The following SORCS2 variants were observed in gnomAD, a reference collection of about 807,000 sequenced individuals.
The protein encoded by SORCS2 is sortilin related VPS10 domain containing receptor 2.
In SORCS2, 100 loss-of-function variants were observed where a neutral mutation model predicts 141.6. The ratio of observed to expected loss-of-function variants is 0.71; its 90% CI spans 0.60 to 0.83. The LOEUF is 0.83. Ranked by LOEUF, SORCS2 falls within the 40% of genes least tolerant of loss-of-function variation. The pLI is 0.00. For synonymous variants in SORCS2, 789 were observed against 676.9 expected (o/e 1.17, Z -2.57); for missense variants, 1,646 against 1,560.2 (o/e 1.05, Z -0.93).
intron 1 of SORCS2, among the ~76,000 whole-genome samples, chr4:7,340,789 T>C (rs1013723344): frequency 1.3e-5 from 2 of 151,324 alleles, no homozygotes; most frequent in Non-Finnish European, 3.0e-5. Flanking sequence ...TGACGCCCCC[T>C]ATTCCCATCC....
chr4:7,425,147 A>G (rs1201283490), intron 2 of SORCS2, among the ~76,000 whole-genome samples: 1 of 152,114 alleles, frequency 6.6e-6, no homozygotes, highest in Non-Finnish European at 1.5e-5. Flanking sequence ...AGATCCTCCC[A>G]CACCAGAATC....
At chr4:7,614,187 T>G (rs1320839699) in intron 3 of SORCS2, among the ~76,000 whole-genome samples, 2 of 149,668 alleles carry the variant, frequency 1.3e-5, no homozygotes, top group African/African-American at 4.9e-5. Flanking sequence ...CATCAATCCA[T>G]TCATCCATCC....
intron 1 of SORCS2, among the ~76,000 whole-genome samples, chr4:7,290,807 C>CATTCATTT (rs1716550298): frequency 6.6e-6 from 1 of 152,162 alleles, no homozygotes; most frequent in South Asian, 2.1e-4. Context: ...TTCATTCATT[C>CATTCATTT]ATTCATTCAT....
chr4:7,393,649 G>A (rs887634553), intron 1 of SORCS2, among the ~76,000 whole-genome samples: 1 of 152,154 alleles, frequency 6.6e-6, no homozygotes, highest in African/African-American at 2.4e-5. Context: ...GGGCATGGGG[G>A]CAGCACCTCT....
chr4:7,194,193 G>C (rs1727033375), intron 1 of SORCS2, among the ~76,000 whole-genome samples: 1 of 152,072 alleles, frequency 6.6e-6, no homozygotes, highest in African/African-American at 2.4e-5. Context: ...CCTCATTTCT[G>C]TGCCTTGCTG....
chr4:7,212,251 G>T (rs1728101221), intron 1 of SORCS2, among the ~76,000 whole-genome samples: 1 of 152,222 alleles, frequency 6.6e-6, no homozygotes, highest in Non-Finnish European at 1.5e-5. Flanking sequence ...ATGTGGTTGT[G>T]CAATGGCTGG....
At chr4:7,332,325 C>G (rs912626671) in intron 1 of SORCS2, among the ~76,000 whole-genome samples, 15 of 152,214 alleles carry the variant, frequency 9.9e-5, no homozygotes, top group African/African-American at 3.6e-4. Flanking sequence ...CTCAGCTCCT[C>G]TGAGGCTGCT....
chr4:7,689,858 A>T (rs1034585908), intron 11 of SORCS2, among the ~76,000 whole-genome samples: 4 of 152,154 alleles, frequency 2.6e-5, no homozygotes, highest in African/African-American at 9.7e-5. Context: ...AGACAAATTG[A>T]TAGATGATGA....
chr4:7,447,676 A>C (rs1728086322), intron 2 of SORCS2, among the ~76,000 whole-genome samples: 1 of 152,140 alleles, frequency 6.6e-6, no homozygotes, highest in South Asian at 2.1e-4. Context: ...GGGGTCCTCC[A>C]GGCTCAGCAG....
At chr4:7,324,024 G>C (rs964016846) in intron 1 of SORCS2, among the ~76,000 whole-genome samples, 1 of 152,186 alleles carries the variant, frequency 6.6e-6, no homozygotes, top group Non-Finnish European at 1.5e-5. Context: ...ATCCTTACGC[G>C]ATGGGTCTCT....
intron 19 of SORCS2, 32 bp downstream of exon 19, chr4:7,723,915 C>T (rs1466450805): frequency 6.4e-7 from 1 of 1,561,704 alleles, no homozygotes; most frequent in Non-Finnish European, 8.6e-7. Flanking sequence ...GGCCAAAGGT[C>T]ACTCCCTTTG....
At chr4:7,314,829 T>A (rs10005738) in intron 1 of SORCS2, among the ~76,000 whole-genome samples, 51 of 116,578 alleles carry the variant, frequency 4.4e-4, no homozygotes, top group Admixed American at 1.3e-3. Context: ...TTTTTTTTTT[T>A]ATTGTTGTTG....
intron 3 of SORCS2, among the ~76,000 whole-genome samples, chr4:7,614,057 C>T (rs1267836927): frequency 1.3e-5 from 2 of 151,826 alleles, no homozygotes; most frequent in Non-Finnish European, 2.9e-5. Context: ...ATCCATCCAC[C>T]TATCCACCAA....
At chr4:7,283,123 A>G (rs1268209204) in intron 1 of SORCS2, among the ~76,000 whole-genome samples, 1 of 152,218 alleles carries the variant, frequency 6.6e-6, no homozygotes, top group African/African-American at 2.4e-5. Flanking sequence ...TCTGTGGAGT[A>G]TCCACCATGT....
chr4:7,646,211 T>G (rs1721062749), intron 4 of SORCS2, among the ~76,000 whole-genome samples: 1 of 151,882 alleles, frequency 6.6e-6, no homozygotes, highest in Non-Finnish European at 1.5e-5. Flanking sequence ...AGGCGTGAGC[T>G]CCGCACAGCG....
chr4:7,703,251 G>A (rs751343653), intron 12 of SORCS2, 29 bp from the exon 13 acceptor site: 8 of 1,583,150 alleles, frequency 5.1e-6, no homozygotes, highest in Non-Finnish European at 6.9e-6. Context: ...CTCAGGCCCT[G>A]CCCTCAGCCA....
chr4:7,318,617 C>G (rs1254409685), intron 1 of SORCS2, among the ~76,000 whole-genome samples: 2 of 152,180 alleles, frequency 1.3e-5, no homozygotes. Flanking sequence ...CGAGCTAAGC[C>G]ATTAGTTCAG....
chr4:7,277,786 A>AGC (rs1406403305), intron 1 of SORCS2, among the ~76,000 whole-genome samples: 2 of 152,142 alleles, frequency 1.3e-5, no homozygotes, highest in Non-Finnish European at 2.9e-5. Flanking sequence ...CCTCCTGCAG[A>AGC]GCGCTGGGTG....
chr4:7,250,125 C>T lies in SORCS2; in HGVS notation c.480+56999C>T, dbSNP rs374784296. Among the ~76,000 whole-genome samples, 6 of 152,220 alleles carry T rather than the reference C, an allele frequency of 3.9e-5. No homozygotes were observed. The East Asian group carries it at 1.2e-3, about 29-fold the overall frequency. On this transcript the variant is annotated intron_variant, in intron 1 of 26. Coordinates refer to ENST00000507866, the MANE Select transcript of SORCS2 (RefSeq NM_020777.3). ...GGTGTGGTGGCATGCACCTGTTGTC[C>T]CAGCTTCTCAGGAGGCTGAGGCAGG...
Sources: allele counts gnomAD v4.1 joint callset (sites outside exome capture counted in the v4.1 genomes callset), GRCh38; gene constraint gnomAD v4.1.1; transcripts MANE v1.5; gene names NCBI Gene and HGNC (gene_info 2026-07-23, HGNC 2026-07-21).